The following USP25 variants were observed in gnomAD, a reference collection of about 807,000 sequenced individuals.
USP25 encodes the protein ubiquitin specific peptidase 25.
Under a neutral mutation model 158.5 loss-of-function variants are expected in USP25, and 85 were observed. The ratio of observed to expected loss-of-function variants is 0.54; its 90% CI spans 0.45 to 0.64. The LOEUF (loss-of-function observed/expected upper bound fraction) is 0.64. Ranked by LOEUF, USP25 falls within the 30% of genes least tolerant of loss-of-function variation. The pLI is 0.00. For synonymous variants in USP25, 464 were observed against 460.4 expected (o/e 1.01, Z -0.10); for missense variants, 1,242 against 1,327.3 (o/e 0.94, Z 1.00).
At chr21:15,746,545 C>A (rs1459363756) in intron 1 of USP25, among the ~76,000 whole-genome samples, 1 of 152,040 alleles carries the variant, frequency 6.6e-6, no homozygotes, top group Non-Finnish European at 1.5e-5. Context: ...CAGGTGTGTG[C>A]CACCACACCC....
chr21:15,879,493 ATGAGTATCTT>A lies in USP25; in HGVS notation c.*1019_*1028del, dbSNP rs2040215789. 1 of 152,534 alleles carries A rather than the reference ATGAGTATCTT, an allele frequency of 6.6e-6. No homozygotes were observed. The highest frequency in any genetic ancestry group is 6.6e-5 in the Admixed American group (1 of 15,264). The allele number at this position is 152,534 out of a possible 1,614,324, so 9.4% of individuals were successfully genotyped here. On this transcript the variant is annotated 3_prime_UTR_variant, in exon 26 of 26. Transcript: ENST00000400183. ...AATTGATGTTGTTTAACTAGAAGTTATGAGTATCTTAACTGCCTTTATTCCTTTTCAAAAA... is the reference window on the plus strand; with the variant it reads ...AATTGATGTTGTTTAACTAGAAGTTAAACTGCCTTTATTCCTTTTCAAAAA...
intron 1 of USP25, chr21:15,745,174 A>G (rs1428194619): frequency 6.6e-6 from 1 of 152,228 alleles, no homozygotes; most frequent in Non-Finnish European, 1.5e-5. Context: ...CAGGAGAGCT[A>G]CTGATAACCC....
chr21:15,818,671 T>C, intron 9 of USP25, 27 bp from the exon 10 acceptor site: 2 of 1,588,540 alleles, frequency 1.3e-6, no homozygotes, highest in Non-Finnish European at 1.7e-6. Context: ...CCATATTGAG[T>C]ATTATTAATT....
chr21:15,730,148 C>T lies in USP25; in HGVS notation c.-246C>T. The T allele has an allele frequency of 5.5e-6, 1 of 182,470 alleles. No homozygotes were observed. Among genetic ancestry groups the T allele is most frequent in the Non-Finnish European group, 1.0e-5 (1 of 96,312 alleles). 11.3% of individuals were successfully genotyped at this position (182,470 alleles called of 1,614,324 possible). On this transcript the variant is annotated 5_prime_UTR_variant, in exon 1 of 26. Coordinates refer to ENST00000400183, the MANE Select transcript of USP25 (RefSeq NM_001283041.3). ...GGCCCGGGCCGCCGCGGACGAGCGG[C>T]GCTGAGGCGGGCCGCGTGGAGACGT...
intron 7 of USP25, chr21:15,805,663 T>G (rs555584176): frequency 6.5e-6 from 1 of 153,142 alleles, no homozygotes; most frequent in African/African-American, 2.4e-5. Flanking sequence ...CTTTTGTCTT[T>G]TATTCTTTAT....
At chr21:15,768,968 C>CAT (rs2034194555) in intron 3 of USP25, among the ~76,000 whole-genome samples, 1 of 152,064 alleles carries the variant, frequency 6.6e-6, no homozygotes, top group Non-Finnish European at 1.5e-5. Context: ...ATACCAAATA[C>CAT]ATATACCTCT....
At chr21:15,798,437 T>A (rs368409154) in intron 5 of USP25, among the ~76,000 whole-genome samples, 1 of 151,252 alleles carries the variant, frequency 6.6e-6, no homozygotes, top group Non-Finnish European at 1.5e-5. Context: ...TTCAAAACTC[T>A]TTTTCTTTTT....
chr21:15,806,526 G>T (rs1172761896), intron 7 of USP25, among the ~76,000 whole-genome samples: 1 of 151,718 alleles, frequency 6.6e-6, no homozygotes, highest in Non-Finnish European at 1.5e-5. Context: ...CTGGAGCCAT[G>T]TATGTACATA....
chr21:15,862,232 A>C (rs898288492), intron 20 of USP25, among the ~76,000 whole-genome samples: 2 of 152,130 alleles, frequency 1.3e-5, no homozygotes, highest in Non-Finnish European at 2.9e-5. Flanking sequence ...AGTATCCCAA[A>C]TCCAGAATTC....
At chr21:15,730,660 G>T (rs764743456) in intron 1 of USP25, among the ~76,000 whole-genome samples, 3 of 152,230 alleles carry the variant, frequency 2.0e-5, no homozygotes, top group Non-Finnish European at 2.9e-5. Flanking sequence ...TCCTTCTGCC[G>T]ATTGTTTTCC....
intron 9 of USP25, among the ~76,000 whole-genome samples, chr21:15,811,947 A>C (rs1395115652): frequency 6.6e-6 from 1 of 152,102 alleles, no homozygotes; most frequent in Non-Finnish European, 1.5e-5. Context: ...CTTTTTCTTC[A>C]CGATCTTAAG....
intron 1 of USP25, among the ~76,000 whole-genome samples, chr21:15,747,494 CTATA>C (rs1482166740): frequency 6.7e-6 from 1 of 150,220 alleles, no homozygotes; most frequent in Non-Finnish European, 1.5e-5. Context: ...AGTTTTTTTC[CTATA>C]TATAGTATCT....
intron 9 of USP25, among the ~76,000 whole-genome samples, chr21:15,817,147 G>GTCA (rs796136169): frequency 6.7e-5 from 10 of 148,580 alleles, no homozygotes; most frequent in East Asian, 2.0e-4. Flanking sequence ...AAAATAAAAT[G>GTCA]TCATCATCAT....
At chr21:15,787,701 C>G (rs148220766) in intron 4 of USP25, among the ~76,000 whole-genome samples, 376 of 151,934 alleles carry the variant, frequency 2.5e-3, no homozygotes, top group African/African-American at 8.7e-3. Context: ...TTTAGGAAAT[C>G]AAATGAGATG....
At chr21:15,868,217 A>G (rs542265695) in intron 22 of USP25, among the ~76,000 whole-genome samples, 3 of 152,320 alleles carry the variant, frequency 2.0e-5, no homozygotes, top group African/African-American at 4.8e-5. Flanking sequence ...GCCCAAAGAC[A>G]TTCATTTATC....
At chr21:15,762,792 T>G in intron 1 of USP25, 99 bp from the exon 2 acceptor site, 1 of 1,104,214 alleles carries the variant, frequency 9.1e-7, no homozygotes, top group Non-Finnish European at 1.3e-6. Context: ...TTTATTCTGT[T>G]TTTTGTTTGT....
chr21:15,778,776 A>G (rs1395336834), intron 4 of USP25, among the ~76,000 whole-genome samples: 2 of 152,156 alleles, frequency 1.3e-5, no homozygotes, highest in African/African-American at 2.4e-5. Flanking sequence ...ACTAACTGTA[A>G]TCCTCTAAAC....
chr21:15,797,721 A>G (rs2035929053), intron 5 of USP25, among the ~76,000 whole-genome samples: 1 of 151,194 alleles, frequency 6.6e-6, no homozygotes, highest in Admixed American at 6.6e-5. Flanking sequence ...AGAATAGTCC[A>G]TGGTTTGTCT....
chr21:15,862,852 T>G (rs911942855), intron 20 of USP25, among the ~76,000 whole-genome samples: 1 of 146,110 alleles, frequency 6.8e-6, no homozygotes, highest in African/African-American at 2.6e-5. Context: ...ATATTAGCCT[T>G]CCTTTTTAAT....
Sources: allele counts gnomAD v4.1 joint callset (sites outside exome capture counted in the v4.1 genomes callset), GRCh38; gene constraint gnomAD v4.1.1; transcripts MANE v1.5; gene names NCBI Gene and HGNC (gene_info 2026-07-23, HGNC 2026-07-21).